HEPHL1: variants seen among roughly 807,000 people sequenced by gnomAD.
HEPHL1 encodes ferroxidase HEPHL1.
A neutral mutation model predicts 122.0 loss-of-function variants in HEPHL1; 123 were observed. The observed-to-expected ratio is 1.01, with a 90% confidence interval of 0.87 to 1.17. The LOEUF is 1.17. Ranked by LOEUF, HEPHL1 falls within the 50% of genes most tolerant of loss-of-function variation. The probability of loss-of-function intolerance (pLI) is 0.00; values close to 1 mark genes in which losing one functional copy is unlikely to be tolerated. For missense variants in HEPHL1, 1,452 were observed against 1,430.5 expected, an observed-to-expected ratio of 1.01 and a Z score of -0.24; for synonymous variants, 527 against 508.9, an observed-to-expected ratio of 1.04 and a Z score of -0.48.
chr11:94,102,423 C>A (rs756624030), intron 14 of HEPHL1, among the ~76,000 whole-genome samples: 3 of 152,138 alleles, frequency 2.0e-5, no homozygotes, highest in Non-Finnish European at 2.9e-5. Flanking sequence ...ATCTCACCTG[C>A]CCACTTGAGA....
rs192807078 is a variant in HEPHL1, at chr11:94,096,696, A to G, written c.2434+3056A>G. On this transcript the variant is annotated intron_variant, in intron 13 of 19. Coordinates refer to ENST00000315765, the MANE Select transcript of HEPHL1 (RefSeq NM_001098672.2). ...TATTAATTATTGCCTCAATTTCAGA[A>G]CACGTTATTGGTCTATTCAGTAATT... is the stretch of plus-strand genomic sequence containing the variant. Among the ~76,000 whole-genome samples, 304 of 152,202 alleles carry G rather than the reference A, an allele frequency of 2.0e-3. 3 individuals are homozygous for G. The highest frequency in any genetic ancestry group is 6.8e-3 in the African/African-American group (282 of 41,516).
intron 1 of HEPHL1, among the ~76,000 whole-genome samples, chr11:94,024,952 GTTGTT>G (rs1196072818): frequency 6.6e-6 from 1 of 152,104 alleles, no homozygotes; most frequent in Non-Finnish European, 1.5e-5. Flanking sequence ...AGTTGTTCTG[GTTGTT>G]TTATCTTTGA....
chr11:94,022,463 A>G (rs1456761228), intron 1 of HEPHL1, among the ~76,000 whole-genome samples: 2 of 152,244 alleles, frequency 1.3e-5, no homozygotes, highest in East Asian at 3.8e-4. Flanking sequence ...GATAAAATTC[A>G]GGAACAGCAC....
At chr11:94,031,657 C>T (rs997358268) in intron 1 of HEPHL1, among the ~76,000 whole-genome samples, 4 of 152,172 alleles carry the variant, frequency 2.6e-5, no homozygotes, top group African/African-American at 9.7e-5. Flanking sequence ...ACATTGCTGC[C>T]TCTGGGAGGT....
chr11:94,091,593 C>T (rs1591484639), intron 12 of HEPHL1, among the ~76,000 whole-genome samples: 1 of 152,146 alleles, frequency 6.6e-6, no homozygotes, highest in South Asian at 2.1e-4. Context: ...AAGGTCCTTT[C>T]CCACACAGAA....
intron 1 of HEPHL1, among the ~76,000 whole-genome samples, chr11:94,024,959 T>C (rs555025663): frequency 1.2e-4 from 18 of 152,288 alleles, no homozygotes; most frequent in African/African-American, 4.3e-4. Flanking sequence ...CTGGTTGTTT[T>C]ATCTTTGAAT....
intron 2 of HEPHL1, among the ~76,000 whole-genome samples, chr11:94,049,689 G>T (rs1945873806): frequency 6.6e-6 from 1 of 151,166 alleles, no homozygotes; most frequent in Admixed American, 6.6e-5. Flanking sequence ...CTGCTCCATT[G>T]ATCTATATAC....
chr11:94,034,451 T>G (rs1207557866), intron 1 of HEPHL1, among the ~76,000 whole-genome samples: 1 of 152,198 alleles, frequency 6.6e-6, no homozygotes, highest in Non-Finnish European at 1.5e-5. Flanking sequence ...ATCATCTCTT[T>G]GAGGAAATGA....
intron 1 of HEPHL1, among the ~76,000 whole-genome samples, chr11:94,032,871 G>C (rs112548025): frequency 2.6e-5 from 4 of 152,232 alleles, no homozygotes; most frequent in African/African-American, 9.6e-5. Flanking sequence ...GAGTTTAACT[G>C]GTATATGACC....
At chr11:94,067,469 C>G (rs1418519422) in intron 4 of HEPHL1, 27 bp from the exon 5 acceptor site, 2 of 1,607,902 alleles carry the variant, frequency 1.2e-6, no homozygotes, top group South Asian at 1.1e-5. Flanking sequence ...AGGGGAGTCT[C>G]TTCCACTAGC....
Position 94,088,913 on chromosome 11 carries a change from G to T in HEPHL1, c.2239G>T (p.Ala747Ser), listed in dbSNP as rs766308873. The T allele has an allele frequency of 6.2e-7, 1 of 1,613,868 alleles. No individual in the cohort carries two copies. Among genetic ancestry groups the T allele is most frequent in the African/African-American group, 1.3e-5 (1 of 74,912 alleles). Residue 747 changes from alanine to serine, a missense_variant, in exon 12 of 20, where the codon GCC (alanine) becomes TCC (serine). By Grantham distance (99) the Ala-to-Ser change is moderately conservative. Transcript: ENST00000315765. Reference protein sequence around the residue: ...IAAEEVEWDYAPNKNWEFEKQ... With the variant: ...IAAEEVEWDYSPNKNWEFEKQ... ...CGCTGAAGAAGTAGAATGGGATTAT[G>T]CCCCTAACAAAAACTGGGAGTTCGA...
chr11:94,067,780 G>A (rs757916699), intron 5 of HEPHL1, 30 bp downstream of exon 5: 14 of 1,606,768 alleles, frequency 8.7e-6, no homozygotes, highest in African/African-American at 1.3e-5. Flanking sequence ...GAGTTGATAT[G>A]TTTAGAATGG....
intron 1 of HEPHL1, among the ~76,000 whole-genome samples, chr11:94,029,508 T>C (rs1419133927): frequency 6.6e-6 from 1 of 152,238 alleles, no homozygotes; most frequent in Non-Finnish European, 1.5e-5. Flanking sequence ...ACAGGAATCA[T>C]TTGGTGATCT....
chr11:94,047,786 T>C (rs1003526379), intron 2 of HEPHL1, among the ~76,000 whole-genome samples: 1 of 152,202 alleles, frequency 6.6e-6, no homozygotes, highest in African/African-American at 2.4e-5. Flanking sequence ...ATAGAGTTAA[T>C]GGTGTCCTGA....
intron 2 of HEPHL1, among the ~76,000 whole-genome samples, chr11:94,048,952 T>G (rs958646526): frequency 5.3e-5 from 8 of 151,946 alleles, no homozygotes; most frequent in Middle Eastern, 6.8e-3. Context: ...AAACCCCATC[T>G]CTACTAAAAA....
At chr11:94,022,831 T>C (rs189473534) in intron 1 of HEPHL1, among the ~76,000 whole-genome samples, 1 of 152,344 alleles carries the variant, frequency 6.6e-6, no homozygotes, top group Admixed American at 6.5e-5. Context: ...AGCTCTGCTA[T>C]TCTCAGAGAG....
In HEPHL1 at chr11:94,021,376, G is replaced by A. The variant is rs749445944; in HGVS notation, c.8G>A (p.Arg3Gln). 9.9e-6 allele frequency: 16 copies of A among 1,611,500 alleles called. No individual in the cohort carries two copies. Among genetic ancestry groups the A allele is most frequent in the African/African-American group, 2.7e-5 (2 of 74,796 alleles). ...CTTGAGTTACATCCACAAATGCCTC[G>A]GAAGCAGCCAGCTGGCTGCATCTTT... MP[R>Q]KQPAGCIFLL... The change falls in exon 1 of 20, where the codon CGG becomes CAG. Residue 3 changes from arginine to glutamine, a missense_variant. Physicochemically the swap from Arg to Gln is conservative, Grantham distance 43. Transcript: ENST00000315765.
At position 94,110,925 on chromosome 11, in the gene HEPHL1, A is replaced by C. The variant is rs764580489; in HGVS notation, c.3068A>C (p.Asp1023Ala). ...CAGATAGATAAATCTTACCGAGAAG[A>C]TGTGTATGATCTCTTTCCTGGGACA... ...LFKIDKSYRE[D>A]VYDLFPGTFQ... Residue 1023 changes from aspartate (D) to alanine (A), a missense_variant, in exon 18 of 20, where the codon GAT (aspartate) becomes GCT (alanine). Asp to Ala is a moderately radical substitution (Grantham distance 126). Transcript: ENST00000315765. 2.5e-6 allele frequency: 4 copies of C among 1,612,904 alleles called. No individual in the cohort carries two copies. In the South Asian group the frequency reaches 4.4e-5, roughly 18 times the overall value.
chr11:94,093,094 A>T (rs1946274086), intron 12 of HEPHL1, among the ~76,000 whole-genome samples: 2 of 108,372 alleles, frequency 1.8e-5, no homozygotes, highest in Admixed American at 2.2e-4. Flanking sequence ...TAGAGGGTGG[A>T]CGTGTATGTG....
Sources: allele counts gnomAD v4.1 joint callset (sites outside exome capture counted in the v4.1 genomes callset), GRCh38; gene constraint gnomAD v4.1.1; transcripts MANE v1.5; gene names NCBI Gene and HGNC (gene_info 2026-07-23, HGNC 2026-07-21).